Variants in MTUS2 observed in about 807,000 individuals in gnomAD.
MTUS2 encodes microtubule associated scaffold protein 2, also known as microtubule-associated tumor suppressor candidate 2.
A neutral mutation model predicts 114.1 loss-of-function variants in MTUS2; 40 were observed. The ratio of observed to expected loss-of-function variants is 0.35; its 90% CI spans 0.27 to 0.46. MTUS2 has a LOEUF of 0.46. MTUS2 is among the 20% of genes least tolerant of loss of function. MTUS2 has a pLI of 1.00. For synonymous variants in MTUS2, 688 were observed against 672.0 expected (o/e 1.02, Z -0.37); for missense variants, 1,679 against 1,705.4 (o/e 0.98, Z 0.27).
At chr13:28,919,224 A>G (rs1460114428) in intron 2 of MTUS2, among the ~76,000 whole-genome samples, 1 of 151,878 alleles carries the variant, frequency 6.6e-6, no homozygotes, top group Non-Finnish European at 1.5e-5. Context: ...AGATTGAATA[A>G]CCCCCTTTAG....
chr13:29,487,813 G>T, intron 10 of MTUS2, 87 bp from the exon 11 acceptor site: 1 of 995,832 alleles, frequency 1.0e-6, no homozygotes, highest in Non-Finnish European at 1.6e-6. Context: ...TTGATGTTTT[G>T]GGTCACGGAC....
At chr13:29,159,425 C>G (rs557336197) in intron 5 of MTUS2, among the ~76,000 whole-genome samples, 1 of 152,126 alleles carries the variant, frequency 6.6e-6, no homozygotes, top group East Asian at 1.9e-4. Context: ...GGAGGAAAAT[C>G]TTCAGGATCT....
At chr13:29,072,865 G>A (rs2475514) in intron 4 of MTUS2, among the ~76,000 whole-genome samples, 87,349 of 151,986 alleles carry the variant, frequency 0.57, 25,381 homozygotes, top group Non-Finnish European at 0.61. Context: ...AGTATTTGAC[G>A]TATCTTTTCA....
intron 5 of MTUS2, among the ~76,000 whole-genome samples, chr13:29,238,091 G>C (rs1041773700): frequency 9.2e-5 from 14 of 152,304 alleles, no homozygotes; most frequent in African/African-American, 3.1e-4. Flanking sequence ...AACTTGGTAT[G>C]TCGAAGGGAT....
At chr13:29,424,618 G>A (rs1284118032) in intron 8 of MTUS2, among the ~76,000 whole-genome samples, 4 of 152,156 alleles carry the variant, frequency 2.6e-5, no homozygotes, top group South Asian at 2.1e-4. Flanking sequence ...TGTGCTTCCC[G>A]ACAGAATGAA....
intron 5 of MTUS2, among the ~76,000 whole-genome samples, chr13:29,196,670 G>T (rs1160710329): frequency 3.3e-5 from 5 of 152,058 alleles, no homozygotes; most frequent in African/African-American, 1.2e-4. Flanking sequence ...ATGTCTTCAT[G>T]ATTTTGACTA....
intron 2 of MTUS2, among the ~76,000 whole-genome samples, chr13:28,840,510 C>T (rs1306679041): frequency 2.6e-5 from 4 of 152,332 alleles, no homozygotes; most frequent in Non-Finnish European, 4.4e-5. Flanking sequence ...TAGAACAAGA[C>T]ATTTTATTGC....
intron 5 of MTUS2, among the ~76,000 whole-genome samples, chr13:29,228,001 T>C (rs1314803476): frequency 1.3e-5 from 2 of 150,900 alleles, no homozygotes; most frequent in African/African-American, 2.4e-5. Flanking sequence ...TATTGCATCC[T>C]TTTTGGAAAG....
intron 5 of MTUS2, among the ~76,000 whole-genome samples, chr13:29,250,086 A>G (rs1176814398): frequency 6.6e-6 from 1 of 152,196 alleles, no homozygotes; most frequent in Non-Finnish European, 1.5e-5. Flanking sequence ...AAGTAGTTAA[A>G]ACAAGTTTAA....
At chr13:28,927,886 C>T (rs1437504707) in intron 2 of MTUS2, among the ~76,000 whole-genome samples, 3 of 152,118 alleles carry the variant, frequency 2.0e-5, no homozygotes, top group Non-Finnish European at 4.4e-5. Context: ...CTACAGTAAC[C>T]AAATCAGCAT....
chr13:28,960,537 T>G (rs1444705691), intron 2 of MTUS2, among the ~76,000 whole-genome samples: 1 of 152,232 alleles, frequency 6.6e-6, no homozygotes, highest in Non-Finnish European at 1.5e-5. Flanking sequence ...AATGAGGTAT[T>G]CATTCATACT....
chr13:29,242,135 A>C (rs1424978076), intron 5 of MTUS2, among the ~76,000 whole-genome samples: 1 of 152,328 alleles, frequency 6.6e-6, no homozygotes, highest in Non-Finnish European at 1.5e-5. Context: ...TCAGAAGTAC[A>C]CTTCAGTGAC....
intron 5 of MTUS2, among the ~76,000 whole-genome samples, chr13:29,158,738 C>T (rs1892975870): frequency 6.6e-6 from 1 of 152,140 alleles, no homozygotes; most frequent in African/African-American, 2.4e-5. Context: ...AGTGTCTTCA[C>T]CCTAACCTGC....
At chr13:28,845,911 A>G (rs1396119350) in intron 2 of MTUS2, among the ~76,000 whole-genome samples, 2 of 151,886 alleles carry the variant, frequency 1.3e-5, no homozygotes, top group Non-Finnish European at 2.9e-5. Flanking sequence ...CAATAATATA[A>G]CAGTGCCTGC....
intron 8 of MTUS2, among the ~76,000 whole-genome samples, chr13:29,419,102 T>C (rs1351441777): frequency 6.6e-6 from 1 of 152,228 alleles, no homozygotes; most frequent in African/African-American, 2.4e-5. Flanking sequence ...GTGTCCATCT[T>C]TACACATGTT....
chr13:28,980,026 A>G (rs1884286691), intron 2 of MTUS2, among the ~76,000 whole-genome samples: 1 of 152,214 alleles, frequency 6.6e-6, no homozygotes, highest in African/African-American at 2.4e-5. Flanking sequence ...AATCATCAGA[A>G]GGAACTTTCT....
chr13:29,162,144 C>A (rs1034033266), intron 5 of MTUS2, among the ~76,000 whole-genome samples: 1 of 152,130 alleles, frequency 6.6e-6, no homozygotes, highest in African/African-American at 2.4e-5. Flanking sequence ...AATTTCCCCC[C>A]TTATTATAAG....
intron 2 of MTUS2, among the ~76,000 whole-genome samples, chr13:28,844,249 G>A (rs1373627881): frequency 6.6e-6 from 1 of 152,120 alleles, no homozygotes; most frequent in Non-Finnish European, 1.5e-5. Flanking sequence ...GTTGAGTTTG[G>A]TTTTGTCTAG....
At chr13:29,209,389 A>G (rs1033548719) in intron 5 of MTUS2, among the ~76,000 whole-genome samples, 10 of 151,858 alleles carry the variant, frequency 6.6e-5, no homozygotes, top group Non-Finnish European at 1.3e-4. Context: ...TCCATTCTGT[A>G]TCTTTTAAGT....
Sources: allele counts gnomAD v4.1 joint callset (sites outside exome capture counted in the v4.1 genomes callset), GRCh38; gene constraint gnomAD v4.1.1; transcripts MANE v1.5; gene names NCBI Gene and HGNC (gene_info 2026-07-23, HGNC 2026-07-21).